Variants in MTERF3 observed in about 807,000 individuals in gnomAD.
MTERF3 encodes mitochondrial transcription termination factor 3.
A neutral mutation model predicts 40.5 loss-of-function variants in MTERF3; 40 were observed. The ratio of observed to expected loss-of-function variants is 0.99; its 90% CI spans 0.77 to 1.29. The LOEUF (loss-of-function observed/expected upper bound fraction) is 1.29. Ranked by LOEUF, MTERF3 falls within the 50% of genes most tolerant of loss-of-function variation. MTERF3 has a pLI of 0.00. For missense variants in MTERF3, 452 were observed against 478.2 expected (o/e 0.95, Z 0.51); for synonymous variants, 158 against 166.6 (o/e 0.95, Z 0.40).
chr8:96,251,157 A>G, intron 3 of MTERF3, 62 bp from the exon 4 acceptor site: 1 of 1,340,678 alleles, frequency 7.5e-7, no homozygotes, highest in Admixed American at 2.7e-5. Context: ...AAACTCATAT[A>G]CATAAGCACA....
intron 3 of MTERF3, among the ~76,000 whole-genome samples, chr8:96,252,083 G>A (rs1810196181): frequency 6.6e-6 from 1 of 152,192 alleles, no homozygotes; most frequent in South Asian, 2.1e-4. Flanking sequence ...CTTGGCTGCT[G>A]CCACGTGAGA....
intron 3 of MTERF3, among the ~76,000 whole-genome samples, chr8:96,256,113 T>C (rs908698453): frequency 2.6e-5 from 4 of 152,050 alleles, no homozygotes; most frequent in African/African-American, 9.7e-5. Context: ...CCCAGAGAAA[T>C]GAGGAAAGCA....
At position 96,246,357 on chromosome 8, in the gene MTERF3, C is replaced by T. The variant is rs762868325; in HGVS notation, c.775G>A (p.Asp259Asn). The change falls in exon 5 of 8, where the codon GAT (aspartate) becomes AAT (asparagine). Residue 259 changes from aspartate (D) to asparagine (N), a missense_variant. Transcript: ENST00000287025. ...TTCTGAAAAAATCCCAATCTGTTATCCAGTCTTTCCACTGAAAAGTTCAGC... is the reference window on the plus strand; with the variant it reads ...TTCTGAAAAAATCCCAATCTGTTATTCAGTCTTTCCACTGAAAAGTTCAGC... Reference protein sequence around the residue: ...FLLNFSVERLDNRLGFFQKEL... With the variant: ...FLLNFSVERLNNRLGFFQKEL... 2 of 1,612,448 alleles carry T rather than the reference C, an allele frequency of 1.2e-6. No individual in the cohort carries two copies. The highest frequency in any genetic ancestry group is 3.3e-5 in the Admixed American group (2 of 59,796).
intron 1 of MTERF3, among the ~76,000 whole-genome samples, chr8:96,259,792 A>G (rs910665022): frequency 2.2e-4 from 33 of 152,188 alleles, no homozygotes; most frequent in Non-Finnish European, 2.9e-4. Flanking sequence ...AATTAGACCA[A>G]ATACTTGAGG....
Position 96,244,010 on chromosome 8 carries a change from A to G in MTERF3, c.968T>C (p.Leu323Ser). The change falls in exon 7 of 8, where the codon TTA becomes TCA. Residue 323 changes from leucine to serine, a missense_variant. Transcript: ENST00000287025. The stretch of plus-strand genomic sequence containing the variant: ...GGTAAGTTTCATTTTATTTGCAGTT[A>G]ACATCTTTGGGATTCTGGTGATCAT... ...QHMITRIPKM[L>S]TANKMKLTET... is the part of the protein sequence containing the mutation. 1 of 1,613,980 alleles carries G rather than the reference A, an allele frequency of 6.2e-7. No homozygotes were observed. The highest frequency in any genetic ancestry group is 8.5e-7 in the Non-Finnish European group (1 of 1,179,814).
intron 7 of MTERF3, 37 bp downstream of exon 7, chr8:96,243,882 T>C (rs1274452382): frequency 6.3e-7 from 1 of 1,596,366 alleles, no homozygotes; most frequent in Non-Finnish European, 8.6e-7. Flanking sequence ...TGAAGCGCAA[T>C]GGCAGCGCTT....
Position 96,246,341 on chromosome 8 carries a change from A to T in MTERF3, c.791T>A (p.Phe264Tyr). 1 of 1,608,552 alleles carries T rather than the reference A, an allele frequency of 6.2e-7. No individual in the cohort carries two copies. The highest frequency in any genetic ancestry group is 8.5e-7 in the Non-Finnish European group (1 of 1,178,902). The change falls in exon 5 of 8, where the codon TTT becomes TAT. Residue 264 changes from phenylalanine (F) to tyrosine (Y), a missense_variant. Phe to Tyr is a conservative substitution (Grantham distance 22, BLOSUM62 3). Coordinates refer to ENST00000287025, the MANE Select transcript of MTERF3 (RefSeq NM_015942.5). ...SVERLDNRLG[F>Y]FQKELELSVK... ...ACTAAGTTCAAGTTCTTTCTGAAAA[A>T]ATCCCAATCTGTTATCCAGTCTTTC...
At chr8:96,242,564 G>T (rs1809948290) in intron 7 of MTERF3, among the ~76,000 whole-genome samples, 2 of 152,198 alleles carry the variant, frequency 1.3e-5, no homozygotes, top group Admixed American at 1.3e-4. Flanking sequence ...AGTTCTTTAT[G>T]TGTAAAATAG....
intron 1 of MTERF3, among the ~76,000 whole-genome samples, chr8:96,259,364 A>G (rs940937020): frequency 2.0e-5 from 3 of 151,554 alleles, no homozygotes; most frequent in Admixed American, 6.6e-5. Flanking sequence ...GTTTTGTTTC[A>G]CTGTAGGAAA....
chr8:96,253,418 C>T (rs557608279), intron 3 of MTERF3, among the ~76,000 whole-genome samples: 1 of 152,108 alleles, frequency 6.6e-6, no homozygotes, highest in South Asian at 2.1e-4. Flanking sequence ...ACCTTCTGTC[C>T]TGTAGGTGCC....
intron 4 of MTERF3, among the ~76,000 whole-genome samples, chr8:96,248,920 T>C (rs1810071644): frequency 6.6e-6 from 1 of 152,216 alleles, no homozygotes; most frequent in South Asian, 2.1e-4. Context: ...ATTCAGTATT[T>C]TTTACTGTAT....
In MTERF3 at chr8:96,258,378, C is replaced by A. The variant is rs1191600219; in HGVS notation, c.313G>T (p.Asp105Tyr). ...TTACCTTCTAGAAACAGCTCAGAAT[C>A]AAAGCTGGATATATTTTGTGTCTTC... Reference protein sequence around the residue: ...SQKTQNISSFDSELFLEELDE... With the variant: ...SQKTQNISSFYSELFLEELDE... Residue 105 changes from aspartate (D) to tyrosine (Y), a missense_variant, in exon 2 of 8, where the codon GAT becomes TAT. Asp to Tyr is a radical substitution (Grantham distance 160). Coordinates refer to ENST00000287025, the MANE Select transcript of MTERF3 (RefSeq NM_015942.5). 6.2e-7 allele frequency: 1 copy of A among 1,611,496 alleles called. No individual in the cohort carries two copies. Among genetic ancestry groups the A allele is most frequent in the East Asian group, 2.2e-5 (1 of 44,812 alleles).
intron 2 of MTERF3, 89 bp downstream of exon 2, chr8:96,258,267 AC>A: frequency 6.9e-7 from 1 of 1,441,878 alleles, no homozygotes; most frequent in Admixed American, 2.8e-5. Context: ...ACAAAATATT[AC>A]CTGAAATGGG....
At chr8:96,241,013 A>G (rs992617378) in intron 7 of MTERF3, among the ~76,000 whole-genome samples, 1 of 152,204 alleles carries the variant, frequency 6.6e-6, no homozygotes, top group Non-Finnish European at 1.5e-5. Flanking sequence ...TGTTCTGATA[A>G]CTAAATTCCC....
In MTERF3 at chr8:96,246,499, C is replaced by CT. The variant is rs371629026; in HGVS notation, c.678-46dup. 7.3e-4 allele frequency: 1,053 copies of CT among 1,433,686 alleles called. 2 individuals carry two copies. Among genetic ancestry groups the CT allele is most frequent in the African/African-American group, 5.1e-3 (345 of 68,206 alleles). The allele number at this position is 1,433,686 out of a possible 1,614,324, so 88.8% of individuals were successfully genotyped here. A position where few individuals can be genotyped will look rare whatever the true frequency, so the allele number is the denominator to read the frequency against. ...TACGCATGTGATAAACACTTACATT[C>CT]TTTTTTTTTGAGATGGAGTCTCATG... On this transcript the variant is annotated intron_variant, in intron 4 of 7. Coordinates refer to ENST00000287025, the MANE Select transcript of MTERF3 (RefSeq NM_015942.5).
chr8:96,250,644 G>C (rs1481421854), intron 4 of MTERF3, among the ~76,000 whole-genome samples: 1 of 28,038 alleles, frequency 3.6e-5, no homozygotes, highest in Non-Finnish European at 7.3e-5. Context: ...AGAAGAAGAA[G>C]AAGAAGAAGA....
At chr8:96,239,859 GA>G (rs1370279887) in intron 7 of MTERF3, 174 bp from the exon 8 acceptor site, 7 of 702,724 alleles carry the variant, frequency 1.0e-5, no homozygotes, top group Non-Finnish European at 1.8e-5. Context: ...GAAGAAACTA[GA>G]AAAAGGGATT....
chr8:96,258,844 A>G, intron 1 of MTERF3, 144 bp from the exon 2 acceptor site: 2 of 624,388 alleles, frequency 3.2e-6, no homozygotes, highest in Non-Finnish European at 5.2e-6. Context: ...AGTCTAAAAT[A>G]GTGAGATGTT....
At chr8:96,253,772 G>A (rs1169195430) in intron 3 of MTERF3, among the ~76,000 whole-genome samples, 5 of 151,730 alleles carry the variant, frequency 3.3e-5, no homozygotes, top group Admixed American at 2.6e-4. Flanking sequence ...TTGGAAAGCC[G>A]AGGTGGGAGG....
Sources: gnomAD v4.1 joint callset for allele counts (sites outside exome capture counted in the v4.1 genomes callset) on GRCh38, gnomAD v4.1.1 for gene constraint, MANE v1.5 for transcripts, NCBI Gene and HGNC (gene_info 2026-07-23, HGNC 2026-07-21) for gene names.